VDAC3: variants seen among roughly 807,000 people sequenced by gnomAD.
The protein encoded by VDAC3 is non-selective voltage-gated ion channel VDAC3.
In VDAC3, 7 loss-of-function variants were observed where a neutral mutation model predicts 33.9. The observed-to-expected ratio is 0.21, with a 90% confidence interval of 0.12 to 0.39. The LOEUF (loss-of-function observed/expected upper bound fraction) is 0.39, where lower values mean the gene tolerates loss of function less well. Ranked by LOEUF, VDAC3 falls within the 10% of genes least tolerant of loss-of-function variation. VDAC3 has a pLI of 1.00. For synonymous variants in VDAC3, 100 were observed against 122.4 expected (o/e 0.82, Z 1.21); for missense variants, 261 against 334.5 (o/e 0.78, Z 1.71).
chr8:42,395,003 A>C, intron 3 of VDAC3, 81 bp from the exon 4 acceptor site: 1 of 1,535,098 alleles, frequency 6.5e-7, no homozygotes, highest in Non-Finnish European at 9.0e-7. Flanking sequence ...ACTATAGGCT[A>C]TTTCATAATT....
In VDAC3 at chr8:42,403,266, G is replaced by A. The variant is rs1446466069; in HGVS notation, c.552-45G>A. On this transcript the variant is annotated intron_variant, in intron 7 of 9. Transcript: ENST00000022615. Reference sequence around the variant, plus strand: ...TTTGTTTTCATACCATAATAACAATGGTACAAACTAGATATTTATGACGTT... The same window carrying A: ...TTTGTTTTCATACCATAATAACAATAGTACAAACTAGATATTTATGACGTT... 3.1e-6 allele frequency: 5 copies of A among 1,602,350 alleles called. No individual in the cohort carries two copies. In the East Asian group the frequency reaches 9.0e-5, roughly 29 times the overall value.
intron 8 of VDAC3, among the ~76,000 whole-genome samples, chr8:42,404,115 G>A (rs955973298): frequency 2.0e-5 from 3 of 152,090 alleles, no homozygotes; most frequent in African/African-American, 7.2e-5. Flanking sequence ...TGTATATTAT[G>A]TCATTTAACG....
At chr8:42,394,950 C>A in intron 3 of VDAC3, 134 bp from the exon 4 acceptor site, 1 of 945,070 alleles carries the variant, frequency 1.1e-6, no homozygotes, top group Non-Finnish European at 1.6e-6. Flanking sequence ...TCTTGAGGAA[C>A]TCTCACCCAA....
chr8:42,394,191 C>T lies in VDAC3; in HGVS notation c.-2-19C>T. 2 of 1,608,868 alleles carry T rather than the reference C, an allele frequency of 1.2e-6. No individual in the cohort carries two copies. Among genetic ancestry groups the T allele is most frequent in the South Asian group, 1.1e-5 (1 of 90,962 alleles). ...CTAAATGGTTATTTTTATTCCTTTG[C>T]CCTGTTTTTCTTTATAAGATATGTG... On this transcript the variant is annotated intron_variant, in intron 2 of 9. Transcript: ENST00000022615.
intron 1 of VDAC3, among the ~76,000 whole-genome samples, chr8:42,392,912 A>G (rs1037530546): frequency 7.2e-5 from 11 of 152,248 alleles, no homozygotes; most frequent in African/African-American, 1.4e-4. Context: ...TCAAATTGCA[A>G]TTGGGATAAT....
intron 6 of VDAC3, 43 bp from the exon 7 acceptor site, chr8:42,401,745 A>C (rs758607897): frequency 1.9e-6 from 3 of 1,579,566 alleles, no homozygotes; most frequent in Non-Finnish European, 1.7e-6. Flanking sequence ...GTAAGAACTC[A>C]TGTTGTTTTC....
rs1354443792 is a variant in VDAC3 at position 42,403,339 on chromosome 8, A to G, written c.580A>G (p.Ile194Val). The G allele has an allele frequency of 8.1e-6, 13 of 1,614,108 alleles. No homozygotes were observed. The highest frequency in any genetic ancestry group is 1.6e-4 in the Middle Eastern group (1 of 6,062). Residue 194 changes from isoleucine (I) to valine (V), a missense_variant, in exon 8 of 10, where the codon ATC becomes GTC. Coordinates refer to ENST00000022615, the MANE Select transcript of VDAC3 (RefSeq NM_005662.7). ...VNDGTEFGGS[I>V]YQKVNEKIET... The stretch of plus-strand genomic sequence containing the variant: ...CGATGGCACTGAATTTGGAGGTTCT[A>G]TCTACCAGAAGGTGAATGAGAAGAT...
At position 42,400,677 on chromosome 8, in the gene VDAC3, T is replaced by C. The variant is rs1057192093; in HGVS notation, c.323+974T>C. ...CTTTAGGACAAATATTCTTTTCTTTTTTTTTTTTTTTTTTTTTTTTGAGAT... is the reference window on the plus strand; with the variant it reads ...CTTTAGGACAAATATTCTTTTCTTTCTTTTTTTTTTTTTTTTTTTTGAGAT... On this transcript the variant is annotated intron_variant, in intron 6 of 9. Transcript: ENST00000022615. 4.3e-5 allele frequency among the ~76,000 whole-genome samples: 6 copies of C among 140,234 alleles called. No homozygotes were observed. In the East Asian group the frequency reaches 1.2e-3, roughly 28 times the overall value. 92.0% of individuals were successfully genotyped at this position (140,234 alleles called of 152,430 possible). A position where few individuals can be genotyped will look rare whatever the true frequency, so the allele number is the denominator to read the frequency against.
intron 4 of VDAC3, chr8:42,396,562 A>G (rs1484755160): frequency 7.7e-6 from 5 of 652,338 alleles, no homozygotes; most frequent in Admixed American, 5.5e-5. Flanking sequence ...AAATAGAAGA[A>G]TCATTCTCAT....
chr8:42,397,952 T>TA (rs1046761916), intron 4 of VDAC3, among the ~76,000 whole-genome samples: 21 of 138,328 alleles, frequency 1.5e-4, no homozygotes, highest in Admixed American at 8.1e-4. Context: ...TTTACCACAA[T>TA]AAAAAAAAAC....
intron 6 of VDAC3, among the ~76,000 whole-genome samples, chr8:42,401,545 A>C (rs2130890230): frequency 6.6e-6 from 1 of 152,346 alleles, no homozygotes; most frequent in East Asian, 1.9e-4. Flanking sequence ...TAAATCATGA[A>C]GTATCCTATC....
intron 5 of VDAC3, 25 bp from the exon 6 acceptor site, chr8:42,399,622 ATTAT>A (rs765204613): frequency 3.8e-6 from 6 of 1,588,224 alleles, no homozygotes; most frequent in South Asian, 2.3e-5. Context: ...AAAATTACTA[ATTAT>A]TTATTTTAAA....
At chr8:42,402,764 T>G (rs1224809124) in intron 7 of VDAC3, among the ~76,000 whole-genome samples, 3 of 152,220 alleles carry the variant, frequency 2.0e-5, no homozygotes, top group Non-Finnish European at 4.4e-5. Flanking sequence ...GAAACAGTAT[T>G]ATCAGGAAAA....
intron 6 of VDAC3, among the ~76,000 whole-genome samples, chr8:42,400,641 A>G (rs902252914): frequency 6.7e-6 from 1 of 148,928 alleles, no homozygotes; most frequent in African/African-American, 2.5e-5. Flanking sequence ...TTTGCCACAC[A>G]CTTCAGTTAT....
rs868619674 is a variant in VDAC3, at chr8:42,404,918, C to T, written c.754C>T (p.Arg252Ter). ...LIGLGYTQTL[R>*]PGVKLTLSAL... is the part of the protein sequence containing the mutation. ...TGGACTGGGTTATACTCAGACCCTTCGACCAGGTAAGTAAAGGAATTAGTA... is the reference window on the plus strand; with the variant it reads ...TGGACTGGGTTATACTCAGACCCTTTGACCAGGTAAGTAAAGGAATTAGTA... The change falls in exon 9 of 10, where the codon CGA (arginine) becomes TGA (stop). Residue 252 changes from arginine to a stop codon, truncating the protein, a stop_gained. Coordinates refer to ENST00000022615, the MANE Select transcript of VDAC3 (RefSeq NM_005662.7). LOFTEE classifies it high-confidence loss of function. 6.2e-7 allele frequency: 1 copy of T among 1,613,366 alleles called. No homozygotes were observed. The highest frequency in any genetic ancestry group is 2.2e-5 in the East Asian group (1 of 44,860).
At chr8:42,399,776 T>G in intron 6 of VDAC3, 73 bp downstream of exon 6, 1 of 1,433,756 alleles carries the variant, frequency 7.0e-7, no homozygotes, top group Non-Finnish European at 9.8e-7. Context: ...AATAAGGAGA[T>G]ATAGTGCAAA....
rs1401990300 is a variant in VDAC3 at position 42,394,333 on chromosome 8, T to C, written c.67+55T>C. 4 of 1,425,210 alleles carry C rather than the reference T, an allele frequency of 2.8e-6. No individual in the cohort carries two copies. In the African/African-American group the frequency reaches 5.6e-5, roughly 20 times the overall value. 88.3% of individuals were successfully genotyped at this position (1,425,210 alleles called of 1,614,324 possible). On this transcript the variant is annotated intron_variant, in intron 3 of 9. Transcript: ENST00000022615. ...GGGGTAAAGGTTAGTGTTGAATGCCTACTGTGTGTAAATACTGTGTTAGTA... is the reference window on the plus strand; with the variant it reads ...GGGGTAAAGGTTAGTGTTGAATGCCCACTGTGTGTAAATACTGTGTTAGTA...
intron 4 of VDAC3, among the ~76,000 whole-genome samples, chr8:42,396,081 C>T (rs1035875703): frequency 6.6e-6 from 1 of 151,852 alleles, no homozygotes; most frequent in Non-Finnish European, 1.5e-5. Context: ...TATGGTGAAA[C>T]CCCGTCTCTA....
At position 42,398,788 on chromosome 8, in the gene VDAC3, G is replaced by A. The variant is rs200238621; in HGVS notation, c.194G>A (p.Cys65Tyr). The part of the protein sequence containing the change: ...SGNLETKYKV[C>Y]NYGLTFTQKW... ...AACCTAGAAACCAAATATAAGGTCT[G>A]TAACTATGGACTTACCTTCACCCAG... The change falls in exon 5 of 10, where the codon TGT becomes TAT. Residue 65 changes from cysteine to tyrosine, a missense_variant. Physicochemically the swap from Cys to Tyr is radical, Grantham distance 194 (BLOSUM62 -2). Coordinates refer to ENST00000022615, the MANE Select transcript of VDAC3 (RefSeq NM_005662.7). 5.6e-6 allele frequency: 9 copies of A among 1,613,962 alleles called. No individual in the cohort carries two copies. The highest frequency in any genetic ancestry group is 8.5e-7 in the Non-Finnish European group (1 of 1,179,982).
Sources: gnomAD v4.1 joint callset for allele counts (sites outside exome capture counted in the v4.1 genomes callset) on GRCh38, gnomAD v4.1.1 for gene constraint, MANE v1.5 for transcripts, NCBI Gene and HGNC (gene_info 2026-07-23, HGNC 2026-07-21) for gene names.